Variants in UGT2B4 observed in about 807,000 individuals in gnomAD.
UGT2B4 encodes UDP glucuronosyltransferase family 2 member B4.
Under a neutral mutation model 49.8 loss-of-function variants are expected in UGT2B4, and 49 were observed. That is an observed-to-expected ratio of 0.98 (90% CI 0.78 to 1.25). The LOEUF is 1.25. UGT2B4 is among the 50% of genes most tolerant of loss of function. The pLI is 0.00. For synonymous variants in UGT2B4, 246 were observed against 217.7 expected (o/e 1.13, Z -1.14); for missense variants, 729 against 627.7 (o/e 1.16, Z -1.73).
intron 5 of UGT2B4, among the ~76,000 whole-genome samples, 156 bp from the exon 6 acceptor site, chr4:69,481,066 G>A (rs1727573589): frequency 8.9e-6 from 1 of 112,622 alleles, no homozygotes; most frequent in Admixed American, 1.2e-4. Context: ...GTGAAACCCC[G>A]TCACCCCGTC....
intron 2 of UGT2B4, among the ~76,000 whole-genome samples, chr4:69,490,350 T>C (rs894645198): frequency 2.6e-5 from 4 of 152,190 alleles, no homozygotes; most frequent in African/African-American, 9.6e-5. Flanking sequence ...AATCACACTG[T>C]TAAATTGATG....
intron 1 of UGT2B4, among the ~76,000 whole-genome samples, chr4:69,505,377 A>T (rs561557285): frequency 6.6e-6 from 1 of 152,332 alleles, no homozygotes; most frequent in East Asian, 1.9e-4. Context: ...GAATGGAGAA[A>T]AATCTACCAA....
At position 69,514,105 on chromosome 4, in the gene UGT2B4, T is replaced by C. The variant is rs531488721; in HGVS notation, c.-106+11582A>G. Among the ~76,000 whole-genome samples, 86 of 152,278 alleles carry C rather than the reference T, an allele frequency of 5.6e-4. 1 individual carries two copies. Among genetic ancestry groups the C allele is most frequent in the African/African-American group, 2.0e-3 (83 of 41,540 alleles). On this transcript the variant is annotated intron_variant, in intron 1 of 1. Coordinates refer to the UGT2B4 transcript ENST00000510114. ...AATTTTGCATATGCTTTTTTTAAAT[T>C]ATACTTTAAGTTCTAGGGTACATGT...
chr4:69,482,680 C>G (rs1481581270), intron 5 of UGT2B4, among the ~76,000 whole-genome samples: 1 of 152,024 alleles, frequency 6.6e-6, no homozygotes, highest in East Asian at 1.9e-4. Flanking sequence ...GATCTCGGCT[C>G]ACTGCAACCT....
At chr4:69,522,779 A>G (rs28507292) in intron 1 of UGT2B4, among the ~76,000 whole-genome samples, 53,426 of 151,974 alleles carry the variant, frequency 0.35, 9,478 homozygotes, top group Non-Finnish European at 0.37. Flanking sequence ...AGCATGCAAT[A>G]GTGTCTGACA....
chr4:69,514,680 A>C (rs1728686803), intron 1 of UGT2B4, among the ~76,000 whole-genome samples: 1 of 152,112 alleles, frequency 6.6e-6, no homozygotes, highest in Non-Finnish European at 1.5e-5. Context: ...TAAGTGTTGA[A>C]ATTTAGTAAA....
chr4:69,511,634 T>G (rs1233295530), intron 1 of UGT2B4, among the ~76,000 whole-genome samples: 1 of 152,168 alleles, frequency 6.6e-6, no homozygotes, highest in Non-Finnish European at 1.5e-5. Flanking sequence ...ATTATTCTAT[T>G]TCTGTCGCGT....
At chr4:69,500,622 A>AAAGCAAGC (rs1560438370), upstream of UGT2B4, among the ~76,000 whole-genome samples, 1 of 122,390 alleles carries the variant, frequency 8.2e-6, no homozygotes, top group African/African-American at 2.8e-5. Context: ...AGAAAGAAAG[A>AAAGCAAGC]AAGAAAGAAA....
chr4:69,488,238 A>T (rs981995971), intron 3 of UGT2B4, among the ~76,000 whole-genome samples: 2 of 152,186 alleles, frequency 1.3e-5, no homozygotes, highest in African/African-American at 4.8e-5. Context: ...ACAACTCTTG[A>T]ATAAATTCAA....
chr4:69,515,729 T>C (rs933545606), intron 1 of UGT2B4, among the ~76,000 whole-genome samples: 1 of 152,078 alleles, frequency 6.6e-6, no homozygotes, highest in Non-Finnish European at 1.5e-5. Context: ...AGCTCATTTT[T>C]TGAAAAAGCT....
chr4:69,484,441 C>A (rs1727702998), intron 5 of UGT2B4, among the ~76,000 whole-genome samples: 1 of 151,698 alleles, frequency 6.6e-6, no homozygotes, highest in African/African-American at 2.4e-5. Context: ...TATATTGCTG[C>A]AAAAATAAAT....
chr4:69,495,963 T>C, upstream of UGT2B4: 4 of 1,494,974 alleles, frequency 2.7e-6, no homozygotes. Flanking sequence ...ATGTAACTTT[T>C]ACACTTCAAA....
At chr4:69,481,090 TGAAAA>T (rs1727575089) in intron 5 of UGT2B4, among the ~76,000 whole-genome samples, 180 bp from the exon 6 acceptor site, 2 of 3,460 alleles carry the variant, frequency 5.8e-4, no homozygotes, top group Non-Finnish European at 5.5e-4. Flanking sequence ...AGTAAAAATA[TGAAAA>T]AAAAAAAAAA....
intron 1 of UGT2B4, among the ~76,000 whole-genome samples, chr4:69,504,076 A>G (rs1362920801): frequency 2.0e-5 from 3 of 152,204 alleles, no homozygotes; most frequent in African/African-American, 7.2e-5. Context: ...AAAAATAAGC[A>G]AAGGTCAGCA....
chr4:69,496,302 G>A (rs41299966), upstream of UGT2B4, among the ~76,000 whole-genome samples: 1 of 152,138 alleles, frequency 6.6e-6, no homozygotes, highest in Admixed American at 6.5e-5. Context: ...TGGGATTACA[G>A]GCGTGAGCCA....
chr4:69,497,556 G>A (rs150786833), upstream of UGT2B4, among the ~76,000 whole-genome samples: 5 of 152,258 alleles, frequency 3.3e-5, no homozygotes, highest in Admixed American at 6.5e-5. Flanking sequence ...CAGATGTGGT[G>A]GAAATAGAAA....
chr4:69,493,727 C>T lies in UGT2B4; in HGVS notation c.836G>A (p.Gly279Glu). The change falls in exon 2 of 6, where the codon GGA becomes GAA. Residue 279 changes from glycine to glutamate, a missense_variant. Physicochemically the swap from Gly to Glu is moderately conservative, Grantham distance 98 (BLOSUM62 -2). Coordinates refer to ENST00000305107, the MANE Select transcript of UGT2B4 (RefSeq NM_021139.3). ...GGGTTTGGCAGGTTTGCAGTGGAGT[C>T]CTCCAACGAACTCAACATTTGGTAA... ...PLLPNVEFVGGLHCKPAKPLP... is the reference protein window; with the variant it reads ...PLLPNVEFVGELHCKPAKPLP... 1 of 1,610,680 alleles carries T rather than the reference C, an allele frequency of 6.2e-7. No individual in the cohort carries two copies. The highest frequency in any genetic ancestry group is 8.5e-7 in the Non-Finnish European group (1 of 1,178,664).
chr4:69,495,380 G>A lies in UGT2B4; in HGVS notation c.482C>T (p.Ala161Val). The A allele has an allele frequency of 6.2e-7, 1 of 1,613,944 alleles. No individual in the cohort carries two copies. The highest frequency in any genetic ancestry group is 8.5e-7 in the Non-Finnish European group (1 of 1,179,942). Residue 161 changes from alanine (A) to valine (V), a missense_variant, in exon 1 of 6, where the codon GCC becomes GTC. By Grantham distance (64) the Ala-to-Val change is moderately conservative. Transcript: ENST00000305107. ...DAVFPFGELLAELLKIPFVYS... is the reference protein window; with the variant it reads ...DAVFPFGELLVELLKIPFVYS... ...GACAAAGGGTATTTTAAGTAACTCG[G>A]CCAGCAGCTCACCAAAGGGGAAAAC... is the stretch of plus-strand genomic sequence containing the variant.
chr4:69,485,485 A>G (rs749683521), intron 4 of UGT2B4, 58 bp from the exon 5 acceptor site: 18 of 1,597,198 alleles, frequency 1.1e-5, no homozygotes, highest in Admixed American at 3.4e-5. Flanking sequence ...GAAATGCACA[A>G]TGGAAGAATC....
Sources: allele counts gnomAD v4.1 joint callset (sites outside exome capture counted in the v4.1 genomes callset), GRCh38; gene constraint gnomAD v4.1.1; transcripts MANE v1.5; gene names NCBI Gene and HGNC (gene_info 2026-07-23, HGNC 2026-07-21).